The following FSTL5 variants were observed in gnomAD, a reference collection of about 807,000 sequenced individuals.
The protein encoded by FSTL5 is follistatin like 5.
FSTL5 carries 62 observed loss-of-function variants against 89.1 expected under a neutral mutation model. The ratio of observed to expected loss-of-function variants is 0.70; its 90% CI spans 0.57 to 0.86. The LOEUF (loss-of-function observed/expected upper bound fraction) is 0.86. Ranked by LOEUF, FSTL5 falls within the 40% of genes least tolerant of loss-of-function variation. The probability of loss-of-function intolerance (pLI) is 0.00; values close to 1 mark genes in which losing one functional copy is unlikely to be tolerated. For missense variants in FSTL5, 1,057 were observed against 1,001.6 expected (o/e 1.06, Z -0.75); for synonymous variants, 383 against 346.2 (o/e 1.11, Z -1.18).
intron 3 of FSTL5, among the ~76,000 whole-genome samples, chr4:162,001,962 C>A (rs1236242462): frequency 6.6e-6 from 1 of 151,986 alleles, no homozygotes; most frequent in South Asian, 2.1e-4. Context: ...TATAAGGTTG[C>A]AAGGTAAGAT....
At chr4:161,888,096 T>C (rs1732872196) in intron 4 of FSTL5, among the ~76,000 whole-genome samples, 1 of 152,196 alleles carries the variant, frequency 6.6e-6, no homozygotes, top group Non-Finnish European at 1.5e-5. Flanking sequence ...TATGTTTTTA[T>C]AGCAGTGTGA....
At chr4:162,084,594 TA>T (rs1730233934) in intron 2 of FSTL5, among the ~76,000 whole-genome samples, 1 of 152,082 alleles carries the variant, frequency 6.6e-6, no homozygotes, top group African/African-American at 2.4e-5. Context: ...TATGCAGCCA[TA>T]AAAAAGAATT....
intron 4 of FSTL5, among the ~76,000 whole-genome samples, chr4:161,914,400 A>G (rs1733783435): frequency 6.6e-6 from 1 of 152,200 alleles, no homozygotes; most frequent in Non-Finnish European, 1.5e-5. Flanking sequence ...TTTGACAGAA[A>G]TTAAATGCAA....
chr4:161,646,461 A>G (rs1736157519), intron 7 of FSTL5, among the ~76,000 whole-genome samples: 1 of 151,810 alleles, frequency 6.6e-6, no homozygotes, highest in African/African-American at 2.4e-5. Context: ...TATAGTACAT[A>G]TTCTGAAACC....
At chr4:161,439,872 G>T (rs1462201037) in intron 15 of FSTL5, among the ~76,000 whole-genome samples, 1 of 152,098 alleles carries the variant, frequency 6.6e-6, no homozygotes, top group African/African-American at 2.4e-5. Context: ...GTGCATCTAA[G>T]AATTATTTCA....
chr4:161,891,193 G>C (rs1444169334), intron 4 of FSTL5, among the ~76,000 whole-genome samples: 2 of 151,362 alleles, frequency 1.3e-5, no homozygotes, highest in African/African-American at 4.9e-5. Flanking sequence ...ATCCTTATTT[G>C]TCACATTTTG....
At chr4:161,615,907 T>C (rs1734850629) in intron 7 of FSTL5, among the ~76,000 whole-genome samples, 1 of 152,176 alleles carries the variant, frequency 6.6e-6, no homozygotes, top group Admixed American at 6.5e-5. Flanking sequence ...ATTTTTAAAA[T>C]GTAACACAAT....
intron 13 of FSTL5, among the ~76,000 whole-genome samples, chr4:161,459,714 C>T (rs1733493342): frequency 6.6e-6 from 1 of 151,868 alleles, no homozygotes; most frequent in Non-Finnish European, 1.5e-5. Context: ...GTGTTGAATA[C>T]AGGTGAGAAC....
intron 6 of FSTL5, among the ~76,000 whole-genome samples, chr4:161,750,776 A>G: frequency 6.6e-6 from 1 of 152,190 alleles, no homozygotes; most frequent in Non-Finnish European, 1.5e-5. Context: ...TCCTTAGGCA[A>G]ATCCTACCTA....
chr4:162,098,152 T>C (rs1404028680), intron 2 of FSTL5, among the ~76,000 whole-genome samples: 2 of 152,014 alleles, frequency 1.3e-5, no homozygotes, highest in African/African-American at 4.8e-5. Context: ...AGGAATTCAC[T>C]ACTGATAATC....
chr4:161,984,227 A>C (rs1277266355), intron 3 of FSTL5, among the ~76,000 whole-genome samples: 1 of 152,020 alleles, frequency 6.6e-6, no homozygotes. Flanking sequence ...CAAAATTACT[A>C]ATAATTTTTT....
intron 8 of FSTL5, among the ~76,000 whole-genome samples, chr4:161,554,594 A>C (rs1732325830): frequency 6.6e-6 from 1 of 151,682 alleles, no homozygotes; most frequent in Admixed American, 6.6e-5. Flanking sequence ...CTGAAAACAA[A>C]AATGAATTTA....
intron 4 of FSTL5, among the ~76,000 whole-genome samples, chr4:161,838,831 G>T (rs1245904889): frequency 6.6e-6 from 1 of 151,986 alleles, no homozygotes; most frequent in Admixed American, 6.6e-5. Flanking sequence ...ACCATGTTGA[G>T]CTGTAAAACA....
At chr4:161,800,561 G>C (rs1022958173) in intron 4 of FSTL5, among the ~76,000 whole-genome samples, 11 of 151,622 alleles carry the variant, frequency 7.3e-5, no homozygotes, top group African/African-American at 2.7e-4. Flanking sequence ...GTTCTCAATT[G>C]AGACAGAATT....
intron 15 of FSTL5, among the ~76,000 whole-genome samples, chr4:161,410,978 C>T (rs935046237): frequency 2.0e-5 from 3 of 150,628 alleles, no homozygotes; most frequent in Admixed American, 1.3e-4. Context: ...GATTGATAGA[C>T]CTTTAGCTAT....
intron 2 of FSTL5, among the ~76,000 whole-genome samples, chr4:162,091,825 T>C (rs1026926113): frequency 2.0e-5 from 3 of 151,954 alleles, no homozygotes; most frequent in East Asian, 1.9e-4. Context: ...TCAAAGTGGA[T>C]TTCCTTTTAT....
intron 6 of FSTL5, among the ~76,000 whole-genome samples, chr4:161,691,629 A>G (rs1321004717): frequency 6.6e-6 from 1 of 152,174 alleles, no homozygotes; most frequent in Non-Finnish European, 1.5e-5. Flanking sequence ...TCTTAACAAT[A>G]TTGAAGTCTT....
chr4:161,632,587 A>G (rs565139758), intron 7 of FSTL5, among the ~76,000 whole-genome samples: 2 of 152,328 alleles, frequency 1.3e-5, no homozygotes, highest in African/African-American at 2.4e-5. Flanking sequence ...TTCTTCTACA[A>G]TTATAACTTG....
At chr4:161,424,024 CTTTTTTTTTT>C in intron 15 of FSTL5, among the ~76,000 whole-genome samples, 1 of 75,380 alleles carries the variant, frequency 1.3e-5, no homozygotes, top group African/African-American at 5.6e-5. Context: ...GCCCATCATT[CTTTTTTTTTT>C]TTTTTTTTTT....
Sources: allele counts gnomAD v4.1 joint callset (sites outside exome capture counted in the v4.1 genomes callset), GRCh38; gene constraint gnomAD v4.1.1; transcripts MANE v1.5; gene names NCBI Gene and HGNC (gene_info 2026-07-23, HGNC 2026-07-21).